KTN1: variants seen among roughly 807,000 people sequenced by gnomAD.
The protein encoded by KTN1 is kinectin 1.
In KTN1, 130 loss-of-function variants were observed where a neutral mutation model predicts 222.5. The observed-to-expected ratio is 0.58, with a 90% CI of 0.51 to 0.68. The LOEUF is 0.68. Among genes scored for constraint, KTN1 ranks in the 30% least tolerant of loss-of-function variants. The pLI is 0.00. For synonymous variants in KTN1, 512 were observed against 496.3 expected, an observed-to-expected ratio of 1.03 and a Z score of -0.42; for missense variants, 1,508 against 1,500.4, an observed-to-expected ratio of 1.01 and a Z score of -0.08.
At position 55,593,895 on chromosome 14, in the gene KTN1, T is replaced by C. The variant is rs776711695; in HGVS notation, c.-31+13541T>C. Reference sequence around the variant, plus strand: ...TACAAGCTGTGCAAATCTTGACCCCTTGGTGTCAGGCGATGAACCTTGTTC... The same window carrying C: ...TACAAGCTGTGCAAATCTTGACCCCCTGGTGTCAGGCGATGAACCTTGTTC... On this transcript the variant is annotated intron_variant, in intron 1 of 43. Transcript: ENST00000395314. Among the ~76,000 whole-genome samples the C allele has an allele frequency of 1.1e-4, 16 of 152,286 alleles. 1 individual carries two copies. Among genetic ancestry groups the C allele is most frequent in the Middle Eastern group, 3.4e-3 (1 of 294 alleles).
chr14:55,629,531 A>T (rs1034323038), intron 6 of KTN1, among the ~76,000 whole-genome samples: 1 of 150,466 alleles, frequency 6.6e-6, no homozygotes, highest in African/African-American at 2.4e-5. Flanking sequence ...TCTTATCCCT[A>T]TTTTTTTCCC....
At chr14:55,617,844 C>T in intron 3 of KTN1, 120 bp from the exon 4 acceptor site, 7 of 721,666 alleles carry the variant, frequency 9.7e-6, no homozygotes, top group South Asian at 4.5e-5. Flanking sequence ...AATTTAAAAC[C>T]AATTTGAGCT....
intron 43 of KTN1, chr14:55,680,617 T>G: frequency 1.2e-6 from 1 of 844,900 alleles, no homozygotes; most frequent in Non-Finnish European, 1.8e-6. Context: ...CAGGGAGAGC[T>G]TAGGTATCCT....
At chr14:55,656,200 T>C (rs2043451132) in intron 29 of KTN1, 68 bp downstream of exon 29, 1 of 1,064,738 alleles carries the variant, frequency 9.4e-7, no homozygotes, top group African/African-American at 1.6e-5. Flanking sequence ...AAATAATTTT[T>C]AACTGCTGCC....
In KTN1 at chr14:55,650,348, A is replaced by G; in HGVS notation, c.2426A>G (p.Lys809Arg). 1 of 1,600,624 alleles carries G rather than the reference A, an allele frequency of 6.2e-7. No individual in the cohort carries two copies. The highest frequency in any genetic ancestry group is 8.5e-7 in the Non-Finnish European group (1 of 1,175,766). Residue 809 changes from lysine to arginine, a missense_variant, in exon 23 of 44, where the codon AAG (lysine) becomes AGG (arginine). Transcript: ENST00000395314. ...LKKVIHEKDG[K>R]IKSVEELLEA... ...TGAAGGATCCATGAGAAAGATGGAA[A>G]GATCAAGTCTGTAGAAGAGCTTCTG...
intron 33 of KTN1, among the ~76,000 whole-genome samples, chr14:55,665,821 A>G (rs2044673753): frequency 6.6e-6 from 1 of 152,032 alleles, no homozygotes; most frequent in South Asian, 2.1e-4. Flanking sequence ...ACTGTGTCAG[A>G]TGAAAACTAC....
intron 1 of KTN1, among the ~76,000 whole-genome samples, chr14:55,599,444 C>G (rs1243329637): frequency 6.6e-6 from 1 of 151,932 alleles, no homozygotes; most frequent in Non-Finnish European, 1.5e-5. Flanking sequence ...AGTCCCAGGG[C>G]TTTTGTGGCC....
chr14:55,641,667 A>G (rs747165163), intron 17 of KTN1, 25 bp from the exon 18 acceptor site: 10 of 1,423,232 alleles, frequency 7.0e-6, no homozygotes, highest in Non-Finnish European at 5.0e-6. Flanking sequence ...TTAATAAAAC[A>G]GTAAATTGAG....
chr14:55,679,671 A>C lies in KTN1; in HGVS notation c.4055A>C (p.His1352Pro). Reference sequence around the variant, plus strand: ...CAACAGCTCACAAAGGAGAAAGAGCACTACCAGGTGTTAGGTAAGGACAAC... The same window carrying C: ...CAACAGCTCACAAAGGAGAAAGAGCCCTACCAGGTGTTAGGTAAGGACAAC... The part of the protein sequence containing the change: ...VNQQLTKEKE[H>P]YQVLE The change falls in exon 43 of 44, where the codon CAC becomes CCC. Residue 1352 changes from histidine to proline, a missense_variant. His to Pro is a moderately conservative substitution (Grantham distance 77, BLOSUM62 -2). Transcript: ENST00000395314. 1.2e-6 allele frequency: 2 copies of C among 1,613,998 alleles called. No individual in the cohort carries two copies. The highest frequency in any genetic ancestry group is 8.5e-7 in the Non-Finnish European group (1 of 1,179,882).
In KTN1 at chr14:55,656,066, G is replaced by C. The variant is rs1302237305; in HGVS notation, c.2826G>C (p.Leu942Phe). The C allele has an allele frequency of 6.2e-7, 1 of 1,605,954 alleles. No homozygotes were observed. The highest frequency in any genetic ancestry group is 8.5e-7 in the Non-Finnish European group (1 of 1,175,202). Residue 942 changes from leucine to phenylalanine, a missense_variant, in exon 29 of 44, where the codon TTG (leucine) becomes TTC (phenylalanine). Physicochemically the swap from Leu to Phe is conservative, Grantham distance 22. Transcript: ENST00000395314. ...EIVLKEKENELKRLEAMLKER... is the reference protein window; with the variant it reads ...EIVLKEKENEFKRLEAMLKER... ...GGTTGAAAGAAAAGGAAAATGAATT[G>C]AAGAGGTTAGAAGCCATGCTAAAAG...
Position 55,658,569 on chromosome 14 carries a change from G to GT in KTN1, c.2919dup (p.Lys974Ter). The GT allele has an allele frequency of 4.4e-6, 7 of 1,600,744 alleles. No individual in the cohort carries two copies. The highest frequency in any genetic ancestry group is 6.0e-6 in the Non-Finnish European group (7 of 1,169,376). Reference sequence around the variant, plus strand: ...AGGATGTACAAGATGAAAACAAATTGTTTAAGTCCCAAATTGAGCAGCTTA... The same window carrying GT: ...AGGATGTACAAGATGAAAACAAATTGTTTTAAGTCCCAAATTGAGCAGCTTA... On this transcript the variant is annotated frameshift_variant, in exon 30 of 44. Coordinates refer to ENST00000395314, the MANE Select transcript of KTN1 (RefSeq NM_001079521.2). LOFTEE classifies it high-confidence loss of function.
At chr14:55,587,021 G>A (rs1402814826) in intron 1 of KTN1, among the ~76,000 whole-genome samples, 3 of 152,046 alleles carry the variant, frequency 2.0e-5, no homozygotes, top group Non-Finnish European at 4.4e-5. Flanking sequence ...TGCATTATCA[G>A]TCACAACCTG....
intron 6 of KTN1, among the ~76,000 whole-genome samples, chr14:55,629,742 C>A (rs1407993140): frequency 6.6e-6 from 1 of 152,158 alleles, no homozygotes; most frequent in African/African-American, 2.4e-5. Flanking sequence ...ACAACAGTGG[C>A]AAAGTGTTTA....
chr14:55,637,159 A>C, intron 10 of KTN1, 39 bp from the exon 11 acceptor site: 1 of 1,488,462 alleles, frequency 6.7e-7, no homozygotes, highest in Non-Finnish European at 9.1e-7. Flanking sequence ...TAACTAGGCA[A>C]AGAAAGAGAC....
Position 55,618,061 on chromosome 14 carries a change from T to C in KTN1, c.759T>C (p.Asp253=). 2.5e-6 allele frequency: 4 copies of C among 1,613,196 alleles called. No homozygotes were observed. The South Asian group carries it at 4.4e-5, about 18-fold the overall frequency. ...TGGTAGATAAGAGAGAGGTTATTGA[T>C]TTGCTTAAACCTGACCAAGTAGAAG... ...SPVVDKREVI[D]LLKPDQVEGI... The change falls in exon 4 of 44, where the codon GAT becomes GAC. Residue 253 remains aspartate (D), a synonymous_variant. Transcript: ENST00000395314.
chr14:55,644,181 GC>G, intron 18 of KTN1: 2 of 323,054 alleles, frequency 6.2e-6, no homozygotes, highest in East Asian at 4.8e-5. Flanking sequence ...TTTTATTGTT[GC>G]TGCTAGTGAA....
At chr14:55,670,912 G>A in intron 35 of KTN1, 103 bp downstream of exon 35, 2 of 697,214 alleles carry the variant, frequency 2.9e-6, no homozygotes, top group Non-Finnish European at 4.7e-6. Flanking sequence ...AATCGAATAA[G>A]GCTCTTTTGA....
chr14:55,599,276 T>C (rs1012363790), intron 1 of KTN1, among the ~76,000 whole-genome samples: 42 of 152,214 alleles, frequency 2.8e-4, no homozygotes, highest in African/African-American at 1.0e-3. Flanking sequence ...ATCAGTTTTT[T>C]GGGATCTACT....
chr14:55,615,048 T>C (rs1207128274), intron 2 of KTN1, among the ~76,000 whole-genome samples: 2 of 152,174 alleles, frequency 1.3e-5, no homozygotes, highest in African/African-American at 2.4e-5. Context: ...AGTATTTTAA[T>C]TGAAGCCCCA....
Sources: allele counts gnomAD v4.1 joint callset (sites outside exome capture counted in the v4.1 genomes callset), GRCh38; gene constraint gnomAD v4.1.1; transcripts MANE v1.5; gene names NCBI Gene and HGNC (gene_info 2026-07-23, HGNC 2026-07-21).